MTUS2: variants seen among roughly 807,000 people sequenced by gnomAD.
MTUS2 encodes microtubule associated scaffold protein 2.
MTUS2 carries 40 observed loss-of-function variants against 114.1 expected under a neutral mutation model. That is an observed-to-expected ratio of 0.35 (90% confidence interval 0.27 to 0.46). The LOEUF (loss-of-function observed/expected upper bound fraction) is 0.46. Among genes scored for constraint, MTUS2 ranks in the 20% least tolerant of loss-of-function variants. MTUS2 has a pLI of 1.00. For missense variants in MTUS2, 1,679 were observed against 1,705.4 expected, an observed-to-expected ratio of 0.98 and a Z score of 0.27; for synonymous variants, 688 against 672.0, an observed-to-expected ratio of 1.02 and a Z score of -0.37.
intron 2 of MTUS2, among the ~76,000 whole-genome samples, chr13:28,954,797 G>A (rs1882980540): frequency 6.6e-6 from 1 of 152,128 alleles, no homozygotes; most frequent in African/African-American, 2.4e-5. Flanking sequence ...ATCAGAGGTG[G>A]GGCCTCCAGC....
intron 5 of MTUS2, among the ~76,000 whole-genome samples, chr13:29,165,374 A>G (rs886091156): frequency 1.3e-5 from 2 of 152,192 alleles, no homozygotes; most frequent in African/African-American, 2.4e-5. Flanking sequence ...GTCTCTGTCC[A>G]TTAGCTCTTA....
intron 8 of MTUS2, among the ~76,000 whole-genome samples, chr13:29,404,998 TAGTA>T (rs1874643064): frequency 6.6e-6 from 1 of 151,292 alleles, no homozygotes; most frequent in Non-Finnish European, 1.5e-5. Context: ...TAGGCATAGT[TAGTA>T]AGCCTCAAGA....
At chr13:29,485,628 T>A (rs1393614458) in intron 10 of MTUS2, among the ~76,000 whole-genome samples, 4 of 152,210 alleles carry the variant, frequency 2.6e-5, no homozygotes, top group African/African-American at 9.7e-5. Flanking sequence ...GCCATTACAT[T>A]ACCCTTAATA....
At chr13:29,202,912 A>C (rs1895021481) in intron 5 of MTUS2, among the ~76,000 whole-genome samples, 1 of 152,176 alleles carries the variant, frequency 6.6e-6, no homozygotes, top group Non-Finnish European at 1.5e-5. Flanking sequence ...GCCAGATGCC[A>C]GCCGGAGCTC....
At chr13:29,177,062 A>C (rs539151981) in intron 5 of MTUS2, among the ~76,000 whole-genome samples, 1 of 151,292 alleles carries the variant, frequency 6.6e-6, no homozygotes, top group South Asian at 2.1e-4. Flanking sequence ...AGACTTGCTC[A>C]GCCATCATTT....
chr13:29,385,050 C>T (rs1326222803), intron 8 of MTUS2, among the ~76,000 whole-genome samples: 1 of 152,178 alleles, frequency 6.6e-6, no homozygotes, highest in African/African-American at 2.4e-5. Flanking sequence ...GTGGACCAGC[C>T]ACTCTGCTGG....
At chr13:29,270,857 G>A (rs1455665950) in intron 5 of MTUS2, among the ~76,000 whole-genome samples, 6 of 152,198 alleles carry the variant, frequency 3.9e-5, no homozygotes, top group South Asian at 2.1e-4. Context: ...CACATGAGCC[G>A]CATCAGGGAG....
At chr13:29,086,804 T>C (rs897133130) in intron 4 of MTUS2, among the ~76,000 whole-genome samples, 6 of 152,234 alleles carry the variant, frequency 3.9e-5, no homozygotes, top group South Asian at 2.1e-4. Context: ...CTTTCAGCAA[T>C]GTTTTGCAGT....
At chr13:29,173,948 G>A (rs1893664897) in intron 5 of MTUS2, among the ~76,000 whole-genome samples, 2 of 152,060 alleles carry the variant, frequency 1.3e-5, no homozygotes, top group South Asian at 4.1e-4. Context: ...ATATTTAGAT[G>A]TTTAGGTGGC....
At chr13:29,337,769 T>TG (rs1302877965) in intron 7 of MTUS2, among the ~76,000 whole-genome samples, 2 of 142,026 alleles carry the variant, frequency 1.4e-5, no homozygotes, top group Non-Finnish European at 3.1e-5. Context: ...CCCTGGCTAA[T>TG]TTTTTGTTTG....
chr13:28,829,634 T>C (rs1874522801), intron 1 of MTUS2, among the ~76,000 whole-genome samples: 1 of 152,216 alleles, frequency 6.6e-6, no homozygotes, highest in South Asian at 2.1e-4. Context: ...TGTCACTATA[T>C]GATTGCTCTA....
chr13:29,362,392 A>G (rs1170016534), intron 8 of MTUS2, among the ~76,000 whole-genome samples: 1 of 152,240 alleles, frequency 6.6e-6, no homozygotes, highest in Non-Finnish European at 1.5e-5. Flanking sequence ...GGAGAAGGTG[A>G]AAACACAGTC....
chr13:29,223,155 C>CT, intron 5 of MTUS2, among the ~76,000 whole-genome samples: 1 of 152,154 alleles, frequency 6.6e-6, no homozygotes, highest in East Asian at 1.9e-4. Context: ...AGCCCAAGGC[C>CT]TGGGGGCCCA....
chr13:29,266,032 T>G (rs1449475520), intron 5 of MTUS2, among the ~76,000 whole-genome samples: 1 of 152,058 alleles, frequency 6.6e-6, no homozygotes. Flanking sequence ...AGAGTGATCA[T>G]AGTTATCGCC....
intron 9 of MTUS2, among the ~76,000 whole-genome samples, chr13:29,475,379 A>G (rs1255137624): frequency 6.6e-6 from 1 of 152,264 alleles, no homozygotes; most frequent in Non-Finnish European, 1.5e-5. Context: ...TTACTATGCT[A>G]TATTTTTATA....
At chr13:29,476,655 C>T (rs1880728361) in intron 9 of MTUS2, 1 of 152,128 alleles carries the variant, frequency 6.6e-6, no homozygotes, top group African/African-American at 2.4e-5. Flanking sequence ...TTTCATCACC[C>T]CTGAAAGAAA....
intron 5 of MTUS2, among the ~76,000 whole-genome samples, chr13:29,243,752 G>C (rs1896811780): frequency 6.6e-6 from 1 of 152,172 alleles, no homozygotes; most frequent in African/African-American, 2.4e-5. Flanking sequence ...CACCTGGGCT[G>C]GAGAAAGCAG....
chr13:28,875,581 C>G (rs1187430977), intron 2 of MTUS2, among the ~76,000 whole-genome samples: 1 of 152,158 alleles, frequency 6.6e-6, no homozygotes, highest in Non-Finnish European at 1.5e-5. Context: ...AAACAGCCCA[C>G]ATAAGTAAAT....
At chr13:29,356,353 C>G (rs977223725) in intron 7 of MTUS2, among the ~76,000 whole-genome samples, 1 of 152,210 alleles carries the variant, frequency 6.6e-6, no homozygotes, top group Non-Finnish European at 1.5e-5. Flanking sequence ...TTATCCGATA[C>G]AAACCTGGTA....
Sources: allele counts gnomAD v4.1 joint callset (sites outside exome capture counted in the v4.1 genomes callset), GRCh38; gene constraint gnomAD v4.1.1; transcripts MANE v1.5; gene names NCBI Gene and HGNC (gene_info 2026-07-23, HGNC 2026-07-21).